The following FLRT2 variants were observed in gnomAD, a reference collection of about 807,000 sequenced individuals.
FLRT2 encodes the protein leucine-rich repeat transmembrane protein FLRT2.
FLRT2 carries 15 observed loss-of-function variants against 40.0 expected under a neutral mutation model. That is an observed-to-expected ratio of 0.38 (90% CI 0.25 to 0.58). FLRT2 has a LOEUF of 0.58. Ranked by LOEUF, FLRT2 falls within the 20% of genes least tolerant of loss-of-function variation. FLRT2 has a pLI of 0.71. For synonymous variants in FLRT2, 380 were observed against 336.8 expected (o/e 1.13, Z -1.41); for missense variants, 726 against 840.0 (o/e 0.86, Z 1.68).
intron 1 of FLRT2, among the ~76,000 whole-genome samples, chr14:85,576,761 A>G (rs1295321827): frequency 2.6e-5 from 4 of 152,216 alleles, no homozygotes; most frequent in Non-Finnish European, 5.9e-5. Context: ...TGGTGGAAAT[A>G]TTCTATTGCA....
At position 85,648,903 on chromosome 14, in the gene FLRT2, A is replaced by G. The variant is rs1348244937; in HGVS notation, c.*25406A>G. On this transcript the variant is annotated 3_prime_UTR_variant, in exon 2 of 2. Coordinates refer to ENST00000330753, the MANE Select transcript of FLRT2 (RefSeq NM_013231.6). ...TGGCACATAAGAGGAATTAAATAAC[A>G]TTTTTCTGAATGAATAGATTTTAAA... 1 of 152,112 alleles carries G rather than the reference A, an allele frequency of 6.6e-6. No homozygotes were observed. Among genetic ancestry groups the G allele is most frequent in the Non-Finnish European group, 1.5e-5 (1 of 68,014 alleles). The allele number at this position is 152,112 out of a possible 1,614,324, so 9.4% of individuals were successfully genotyped here.
chr14:85,546,622 C>T (rs542886568), intron 1 of FLRT2, among the ~76,000 whole-genome samples: 2,573 of 152,308 alleles, frequency 0.017, 70 homozygotes, highest in African/African-American at 0.058. Context: ...AACCGAAACG[C>T]TTGCCCTCTG....
intron 1 of FLRT2, among the ~76,000 whole-genome samples, chr14:85,554,661 C>T (rs772886350): frequency 1.3e-5 from 2 of 152,162 alleles, no homozygotes; most frequent in Non-Finnish European, 2.9e-5. Context: ...AATTCACTGA[C>T]TTTGATCTAA....
At chr14:85,601,344 A>G (rs1035197169) in intron 1 of FLRT2, among the ~76,000 whole-genome samples, 2 of 152,220 alleles carry the variant, frequency 1.3e-5, no homozygotes, top group African/African-American at 4.8e-5. Context: ...GCCTCTTTGA[A>G]CTTTAAATGA....
chr14:85,538,950 T>C (rs1237636754), intron 1 of FLRT2, among the ~76,000 whole-genome samples: 1 of 152,102 alleles, frequency 6.6e-6, no homozygotes, highest in African/African-American at 2.4e-5. Context: ...CTCCCAAAAT[T>C]GGACTCAAGT....
rs139043922 is a variant in FLRT2 at position 85,552,174 on chromosome 14, C to A, written c.-377+21640C>A. Reference sequence around the variant, plus strand: ...GTTTCTTCATCTGTACAAGGCCGGGCAGTTCTAGTAATTCTCTGATTCTCA... The same window carrying A: ...GTTTCTTCATCTGTACAAGGCCGGGAAGTTCTAGTAATTCTCTGATTCTCA... On this transcript the variant is annotated intron_variant, in intron 1 of 1. Coordinates refer to ENST00000330753, the MANE Select transcript of FLRT2 (RefSeq NM_013231.6). 1.1e-3 allele frequency among the ~76,000 whole-genome samples: 170 copies of A among 152,262 alleles called. 3 individuals are homozygous for A. Among genetic ancestry groups the A allele is most frequent in the Middle Eastern group, 6.8e-3 (2 of 294 alleles).
At position 85,623,141 on chromosome 14, in the gene FLRT2, C is replaced by A. The variant is rs759837887; in HGVS notation, c.1627C>A (p.Leu543Met). ...TSHSMGSPFLLAGLIGGAVIF... is the reference protein window; with the variant it reads ...TSHSMGSPFLMAGLIGGAVIF... ...CCACAGCATGGGCTCCCCCTTTCTG[C>A]TGGCGGGCTTGATCGGGGGCGCGGT... The change falls in exon 2 of 2, where the codon CTG (leucine) becomes ATG (methionine). Residue 543 changes from leucine (L) to methionine (M), a missense_variant. Physicochemically the swap from Leu to Met is conservative, Grantham distance 15 (BLOSUM62 2). Transcript: ENST00000330753. 5.6e-6 allele frequency: 9 copies of A among 1,599,288 alleles called. No individual in the cohort carries two copies. The South Asian group carries it at 1.0e-4, about 18-fold the overall frequency.
Position 85,621,664 on chromosome 14 carries a change from T to C in FLRT2, c.150T>C (p.Asn50=), listed in dbSNP as rs777508524. 5.6e-6 allele frequency: 9 copies of C among 1,614,114 alleles called. No individual in the cohort carries two copies. In the East Asian group the frequency reaches 1.8e-4, roughly 32 times the overall value. ...CRCDRNFVYC[N]ERSLTSVPLG... ...GCGACAGGAACTTTGTCTACTGTAA[T>C]GAGCGAAGCTTGACCTCAGTGCCTC... Residue 50 remains asparagine (N), a synonymous_variant, in exon 2 of 2, where the codon AAT becomes AAC. Transcript: ENST00000330753.
rs1007920634 is a variant in FLRT2 at position 85,626,620 on chromosome 14, C to T, written c.*3123C>T. On this transcript the variant is annotated 3_prime_UTR_variant, in exon 2 of 2. Coordinates refer to ENST00000330753, the MANE Select transcript of FLRT2 (RefSeq NM_013231.6). ...TTGATTATAGAGAGACTCTGGGCCA[C>T]CCTCAAACACCGTCAGATGCATTAG... The T allele has an allele frequency of 1.2e-5, 2 of 167,094 alleles. No individual in the cohort carries two copies. Among genetic ancestry groups the T allele is most frequent in the African/African-American group, 4.8e-5 (2 of 41,460 alleles). 10.4% of individuals were successfully genotyped at this position (167,094 alleles called of 1,614,324 possible). A position where few individuals can be genotyped will look rare whatever the true frequency, so the allele number is the denominator to read the frequency against.
chr14:85,536,270 T>C lies in FLRT2; in HGVS notation c.-377+5736T>C, dbSNP rs186654212. On this transcript the variant is annotated intron_variant, in intron 1 of 1. Transcript: ENST00000330753. ...TGTGGTTTTAAGAAAGGCTCAAGTA[T>C]GTACAAGTCCAGAAGCTTTATTCTG... Among the ~76,000 whole-genome samples, 27 of 152,280 alleles carry C rather than the reference T, an allele frequency of 1.8e-4. No homozygotes were observed. In the East Asian group the frequency reaches 4.4e-3, roughly 25 times the overall value.
intron 1 of FLRT2, among the ~76,000 whole-genome samples, chr14:85,605,627 G>A (rs186375122): frequency 8.3e-4 from 126 of 152,142 alleles, no homozygotes; most frequent in Middle Eastern, 3.4e-3. Context: ...AAAATTAGCT[G>A]GGCGTGGTGG....
chr14:85,602,704 C>G (rs1892430727), intron 1 of FLRT2, among the ~76,000 whole-genome samples: 1 of 152,202 alleles, frequency 6.6e-6, no homozygotes, highest in South Asian at 2.1e-4. Context: ...CTGAATAGAT[C>G]TGGCAACTTA....
rs1023639875 is a variant in FLRT2 at position 85,627,094 on chromosome 14, G to C, written c.*3597G>C. 5 of 167,040 alleles carry C rather than the reference G, an allele frequency of 3.0e-5. No individual in the cohort carries two copies. The highest frequency in any genetic ancestry group is 2.1e-4 in the South Asian group (1 of 4,826). 10.3% of individuals were successfully genotyped at this position (167,040 alleles called of 1,614,324 possible). On this transcript the variant is annotated 3_prime_UTR_variant, in exon 2 of 2. Coordinates refer to ENST00000330753, the MANE Select transcript of FLRT2 (RefSeq NM_013231.6). The stretch of plus-strand genomic sequence containing the variant: ...AAAGTGAAGGGGTTAATTCCCATTG[G>C]TGTCTTTGCTTATAGCATTTTTCTC...
In FLRT2 at chr14:85,649,235, G is replaced by A. The variant is rs1055673580; in HGVS notation, c.*25738G>A. On this transcript the variant is annotated 3_prime_UTR_variant, in exon 2 of 2. Coordinates refer to ENST00000330753, the MANE Select transcript of FLRT2 (RefSeq NM_013231.6). The stretch of plus-strand genomic sequence containing the variant: ...CAGAAAGCCCCTATGTATTTATTCC[G>A]GTTAACAATTTTACTTGAGTAGAAA... The A allele has an allele frequency of 1.5e-4, 13 of 87,396 alleles. No homozygotes were observed. Among genetic ancestry groups the A allele is most frequent in the Non-Finnish European group, 2.9e-4 (13 of 45,236 alleles). 5.4% of individuals were successfully genotyped at this position (87,396 alleles called of 1,614,324 possible). A position where few individuals can be genotyped will look rare whatever the true frequency, so the allele number is the denominator to read the frequency against.
rs1894068764 is a variant in FLRT2, at chr14:85,638,635, C to A, written c.*15138C>A. 6.6e-6 allele frequency: 1 copy of A among 152,196 alleles called. No homozygotes were observed. The highest frequency in any genetic ancestry group is 2.4e-5 in the African/African-American group (1 of 41,434). 9.4% of individuals were successfully genotyped at this position (152,196 alleles called of 1,614,324 possible). ...CTTCTCAAGGCTGTCTTGAATTCCT[C>A]CAACAATAGACCCGTTATTATGTGA... is the stretch of plus-strand genomic sequence containing the variant. On this transcript the variant is annotated 3_prime_UTR_variant, in exon 2 of 2. Coordinates refer to ENST00000330753, the MANE Select transcript of FLRT2 (RefSeq NM_013231.6).
At chr14:85,556,158 CT>C (rs1404591722) in intron 1 of FLRT2, among the ~76,000 whole-genome samples, 1 of 152,030 alleles carries the variant, frequency 6.6e-6, no homozygotes, top group African/African-American at 2.4e-5. Context: ...ACATTTAAAA[CT>C]TTTTTAAAAA....
At chr14:85,554,336 A>G (rs1480229402) in intron 1 of FLRT2, among the ~76,000 whole-genome samples, 1 of 152,240 alleles carries the variant, frequency 6.6e-6, no homozygotes, top group East Asian at 1.9e-4. Context: ...ACAGACCACA[A>G]GTGCCCTTAC....
chr14:85,564,200 G>A (rs182680980), intron 1 of FLRT2, among the ~76,000 whole-genome samples: 25 of 152,260 alleles, frequency 1.6e-4, no homozygotes, highest in African/African-American at 5.3e-4. Context: ...TCAGCCAAAT[G>A]GCATTGTTTT....
Position 85,646,088 on chromosome 14 carries a change from C to G in FLRT2, c.*22591C>G, listed in dbSNP as rs10132797. On this transcript the variant is annotated 3_prime_UTR_variant, in exon 2 of 2. Coordinates refer to ENST00000330753, the MANE Select transcript of FLRT2 (RefSeq NM_013231.6). The stretch of plus-strand genomic sequence containing the variant: ...ATTATTATGGTGACCCATACAACAT[C>G]ACTTTTAAACAGTGGATTTATTTAT... 0.25 allele frequency: 38,153 copies of G among 152,076 alleles called. 5,035 individuals are homozygous for G. The highest frequency in any genetic ancestry group is 0.3 in the Middle Eastern group (87 of 292). 9.4% of individuals were successfully genotyped at this position (152,076 alleles called of 1,614,324 possible).
Sources: gnomAD v4.1 joint callset for allele counts (sites outside exome capture counted in the v4.1 genomes callset) on GRCh38, gnomAD v4.1.1 for gene constraint, MANE v1.5 for transcripts, NCBI Gene and HGNC (gene_info 2026-07-23, HGNC 2026-07-21) for gene names.